Variants in ADH1C observed in about 807,000 individuals in gnomAD.
ADH1C encodes the protein alcohol dehydrogenase 1C.
Under a neutral mutation model 35.0 loss-of-function variants are expected in ADH1C, and 26 were observed. That is an observed-to-expected ratio of 0.74 (90% confidence interval 0.54 to 1.03). The LOEUF (loss-of-function observed/expected upper bound fraction) is 1.03. ADH1C is among the 50% of genes least tolerant of loss of function. ADH1C has a pLI of 0.00. For missense variants in ADH1C, 413 were observed against 465.4 expected, an observed-to-expected ratio of 0.89 and a Z score of 1.04; for synonymous variants, 170 against 169.3, an observed-to-expected ratio of 1.00 and a Z score of -0.03.
Position 99,342,939 on chromosome 4 carries a change from G to A in ADH1C, c.684C>T (p.Asp228=), listed in dbSNP as rs752211550. 1 of 1,613,998 alleles carries A rather than the reference G, an allele frequency of 6.2e-7. No homozygotes were observed. The highest frequency in any genetic ancestry group is 1.3e-5 in the African/African-American group (1 of 74,902). ...ARIIAVDINK[D]KFAKAKELGA... is the part of the protein sequence containing the mutation. ...CCAACTCTTTAGCCTTTGCAAATTT[G>A]TCCTTGTTGATGTCCACAGCAATGA... Residue 228 remains aspartate, a synonymous_variant, in exon 6 of 9, where the codon GAC becomes GAT. Coordinates refer to ENST00000515683, the MANE Select transcript of ADH1C (RefSeq NM_000669.5).
rs777029507 is a variant in ADH1C, at chr4:99,344,904, A to G, written c.525T>C (p.Cys175=). The G allele has an allele frequency of 6.2e-7, 1 of 1,614,170 alleles. No individual in the cohort carries two copies. The highest frequency in any genetic ancestry group is 8.5e-7 in the Non-Finnish European group (1 of 1,180,032). ...SPLEKVCLIG[C]GFSTGYGSAV... ...CAGACCCATAACCAGTCGAAAATCCACAGCCAATGAGGCAGACTTTCTCCA... is the reference window on the plus strand; with the variant it reads ...CAGACCCATAACCAGTCGAAAATCCGCAGCCAATGAGGCAGACTTTCTCCA... The change falls in exon 5 of 9, where the codon TGT becomes TGC. Residue 175 remains cysteine (C), a synonymous_variant. Coordinates refer to ENST00000515683, the MANE Select transcript of ADH1C (RefSeq NM_000669.5).
At position 99,352,707 on chromosome 4, in the gene ADH1C, C is replaced by A; in HGVS notation, c.-32G>T. On this transcript the variant is annotated 5_prime_UTR_variant, in exon 1 of 9. Coordinates refer to ENST00000515683, the MANE Select transcript of ADH1C (RefSeq NM_000669.5). Reference sequence around the variant, plus strand: ...TCTGTCTTCTCTGCAGACCAGGAGGCTGGTGAGTACTTGTGGATTTCTTCT... The same window carrying A: ...TCTGTCTTCTCTGCAGACCAGGAGGATGGTGAGTACTTGTGGATTTCTTCT... The A allele has an allele frequency of 6.2e-7, 1 of 1,612,050 alleles. No individual in the cohort carries two copies.
intron 8 of ADH1C, among the ~76,000 whole-genome samples, chr4:99,338,194 G>A (rs1693456): frequency 0.31 from 46,742 of 150,160 alleles, 8,685 homozygotes; most frequent in Non-Finnish European, 0.41. Context: ...TTTGCTTATT[G>A]ATAAGATTTT....
Position 99,340,588 on chromosome 4 carries a change from T to A in ADH1C, c.951A>T (p.Gly317=), listed in dbSNP as rs756971563. Residue 317 remains glycine, a synonymous_variant, in exon 7 of 9, where the codon GGA becomes GGT. Transcript: ENST00000515683. ...CTAACTACATACCTCCAAAAATAGC[T>A]CCTTTCCACGTGCGTCCAGTCAGTA... ...MLLLTGRTWK[G]AIFGGFKSKE... is the part of the protein sequence containing the mutation. 3 of 1,614,100 alleles carry A rather than the reference T, an allele frequency of 1.9e-6. No homozygotes were observed. In the South Asian group the frequency reaches 3.3e-5, roughly 18 times the overall value.
At position 99,344,892 on chromosome 4, in the gene ADH1C, A is replaced by G. The variant is rs1352681160; in HGVS notation, c.537T>C (p.Thr179=). 2 of 1,614,212 alleles carry G rather than the reference A, an allele frequency of 1.2e-6. No individual in the cohort carries two copies. The highest frequency in any genetic ancestry group is 1.7e-5 in the Admixed American group (1 of 60,022). Residue 179 remains threonine (T), a synonymous_variant, in exon 5 of 9, where the codon ACT becomes ACC. Transcript: ENST00000515683. ...CAACTTTGACTGCAGACCCATAACC[A>G]GTCGAAAATCCACAGCCAATGAGGC... ...KVCLIGCGFS[T]GYGSAVKVAK... is the part of the protein sequence containing the mutation.
At chr4:99,337,830 GT>G (rs1291898446) in intron 8 of ADH1C, among the ~76,000 whole-genome samples, 8 of 152,022 alleles carry the variant, frequency 5.3e-5, no homozygotes, top group African/African-American at 1.9e-4. Context: ...TATTTTATGA[GT>G]TTAAAATTAC....
At chr4:99,343,940 T>TG (rs1172579041) in intron 5 of ADH1C, among the ~76,000 whole-genome samples, 1 of 152,176 alleles carries the variant, frequency 6.6e-6, no homozygotes, top group Non-Finnish European at 1.5e-5. Context: ...CCCTTAAGGG[T>TG]GTCTATTTCA....
intron 6 of ADH1C, among the ~76,000 whole-genome samples, chr4:99,342,594 G>A (rs1387908383): frequency 6.6e-6 from 1 of 152,118 alleles, no homozygotes; most frequent in Admixed American, 6.5e-5. Context: ...GAGGAAATAT[G>A]ACTTGAGACA....
intron 1 of ADH1C, among the ~76,000 whole-genome samples, chr4:99,352,392 A>G (rs1262665220): frequency 6.6e-6 from 1 of 152,192 alleles, no homozygotes; most frequent in African/African-American, 2.4e-5. Flanking sequence ...AAATAAAGAC[A>G]ATAGATACAG....
chr4:99,340,833 T>A (rs560647337), intron 6 of ADH1C, 123 bp from the exon 7 acceptor site: 1 of 1,417,838 alleles, frequency 7.1e-7, no homozygotes, highest in African/African-American at 1.4e-5. Context: ...GATCATGTCT[T>A]TTGCTCCTTC....
intron 7 of ADH1C, 74 bp from the exon 8 acceptor site, chr4:99,339,789 AAATG>A (rs1357850267): frequency 1.2e-5 from 17 of 1,462,458 alleles, no homozygotes; most frequent in Non-Finnish European, 1.4e-5. Context: ...TTTTCCAAAT[AAATG>A]AAAGTTTAGA....
chr4:99,345,345 A>G (rs368717043), intron 3 of ADH1C, 79 bp from the exon 4 acceptor site: 4 of 1,352,890 alleles, frequency 3.0e-6, no homozygotes, highest in African/African-American at 2.9e-5. Context: ...TCACATGTAT[A>G]GATTAGAATT....
At chr4:99,338,033 T>C (rs1262376164) in intron 8 of ADH1C, among the ~76,000 whole-genome samples, 1 of 151,906 alleles carries the variant, frequency 6.6e-6, no homozygotes, top group Non-Finnish European at 1.5e-5. Context: ...GAAATGGTAT[T>C]GCTGGAACAA....
intron 2 of ADH1C, 37 bp from the exon 3 acceptor site, chr4:99,347,181 G>A: frequency 6.3e-7 from 1 of 1,596,136 alleles, no homozygotes; most frequent in Non-Finnish European, 8.5e-7. Flanking sequence ...ATTCAGAAAA[G>A]ATTATGACTG....
Position 99,339,680 on chromosome 4 carries a change from C to A in ADH1C, c.1000G>T (p.Ala334Ser), listed in dbSNP as rs758208056. Reference protein sequence around the residue: ...KSKESVPKLVADFMAKKFSLD... With the variant: ...KSKESVPKLVSDFMAKKFSLD... ...GAAAACTTCTTAGCCATAAAGTCAG[C>A]CACAAGTTTGGGGACAGATTCTTTA... Residue 334 changes from alanine to serine, a missense_variant, in exon 8 of 9, where the codon GCT becomes TCT. Physicochemically the swap from Ala to Ser is moderately conservative, Grantham distance 99. Coordinates refer to ENST00000515683, the MANE Select transcript of ADH1C (RefSeq NM_000669.5). 19 of 1,611,554 alleles carry A rather than the reference C, an allele frequency of 1.2e-5. 1 individual carries two copies. The South Asian group carries it at 2.0e-4, about 17-fold the overall frequency.
intron 7 of ADH1C, 139 bp downstream of exon 7, chr4:99,340,436 C>G: frequency 1.9e-6 from 2 of 1,027,254 alleles, no homozygotes; most frequent in African/African-American, 1.6e-5. Flanking sequence ...AAGAAAAGTT[C>G]TGCATTATTG....
chr4:99,342,932 C>T lies in ADH1C; in HGVS notation c.691G>A (p.Ala231Thr), dbSNP rs1239755638. The T allele has an allele frequency of 6.2e-7, 1 of 1,614,152 alleles. No individual in the cohort carries two copies. Among genetic ancestry groups the T allele is most frequent in the South Asian group, 1.1e-5 (1 of 91,078 alleles). Residue 231 changes from alanine (A) to threonine (T), a missense_variant, in exon 6 of 9, where the codon GCA becomes ACA. Transcript: ENST00000515683. Reference sequence around the variant, plus strand: ...GTGGCACCCAACTCTTTAGCCTTTGCAAATTTGTCCTTGTTGATGTCCACA... The same window carrying T: ...GTGGCACCCAACTCTTTAGCCTTTGTAAATTTGTCCTTGTTGATGTCCACA... ...IAVDINKDKF[A>T]KAKELGATEC...
chr4:99,340,788 A>G (rs1342292152), intron 6 of ADH1C, 78 bp from the exon 7 acceptor site: 7 of 1,585,960 alleles, frequency 4.4e-6, no homozygotes, highest in African/African-American at 1.3e-5. Context: ...ATCATGTAAT[A>G]GGCTTAGCTG....
At chr4:99,343,995 C>T (rs1242908416) in intron 5 of ADH1C, among the ~76,000 whole-genome samples, 1 of 152,172 alleles carries the variant, frequency 6.6e-6, no homozygotes, top group Non-Finnish European at 1.5e-5. Flanking sequence ...GGGGACAACA[C>T]CACTTTCTAC....
Sources: allele counts gnomAD v4.1 joint callset (sites outside exome capture counted in the v4.1 genomes callset), GRCh38; gene constraint gnomAD v4.1.1; transcripts MANE v1.5; gene names NCBI Gene and HGNC (gene_info 2026-07-23, HGNC 2026-07-21).